Variants in BOC observed in about 807,000 individuals in gnomAD.
BOC encodes BOC cell adhesion associated, oncogene regulated.
BOC carries 76 observed loss-of-function variants against 112.0 expected under a neutral mutation model. That is an observed-to-expected ratio of 0.68 (90% CI 0.56 to 0.82). The LOEUF is 0.82. Ranked by LOEUF, BOC falls within the 40% of genes least tolerant of loss-of-function variation. The pLI is 0.00. For missense variants in BOC, 1,309 were observed against 1,511.7 expected, an observed-to-expected ratio of 0.87 and a Z score of 2.22; for synonymous variants, 580 against 599.8, an observed-to-expected ratio of 0.97 and a Z score of 0.48.
At chr3:113,258,457 TA>T (rs1946465469) in intron 4 of BOC, among the ~76,000 whole-genome samples, 1 of 152,210 alleles carries the variant, frequency 6.6e-6, no homozygotes, top group East Asian at 1.9e-4. Flanking sequence ...GAAAGAAACT[TA>T]GAGTGTTTTT....
intron 9 of BOC, among the ~76,000 whole-genome samples, chr3:113,275,312 T>G (rs1399974299): frequency 6.6e-6 from 1 of 152,156 alleles, no homozygotes; most frequent in Non-Finnish European, 1.5e-5. Flanking sequence ...GGTGAATGCT[T>G]CAGGAGCTGT....
rs768531684 is a variant in BOC at position 113,249,758 on chromosome 3, C to T, written c.-45C>T. On this transcript the variant is annotated 5_prime_UTR_variant, in exon 3 of 20. Transcript: ENST00000682979. Reference sequence around the variant, plus strand: ...GGACGGCAGTATCTCTTTGTGTGACCCTGGCGGCTTATGGGACGTTGGCTT... The same window carrying T: ...GGACGGCAGTATCTCTTTGTGTGACTCTGGCGGCTTATGGGACGTTGGCTT... 3.9e-6 allele frequency: 6 copies of T among 1,530,092 alleles called. No individual in the cohort carries two copies. The highest frequency in any genetic ancestry group is 5.4e-6 in the Non-Finnish European group (6 of 1,118,152). The allele number at this position is 1,530,092 out of a possible 1,614,324, so 94.8% of individuals were successfully genotyped here.
chr3:113,250,479 G>A, intron 3 of BOC, 76 bp from the exon 4 acceptor site: 3 of 1,515,520 alleles, frequency 2.0e-6, no homozygotes, highest in South Asian at 2.6e-5. Context: ...GACTTCCTGG[G>A]TGCAGTGCTT....
chr3:113,216,261 C>G lies in BOC; in HGVS notation c.-95C>G, dbSNP rs1162823775. ...TTTATACCGTCTGAGGGTAGCAGCT[C>G]GAAAGTAGAAGAAGTGGGTGAGGTT... is the stretch of plus-strand genomic sequence containing the variant. On this transcript the variant is annotated 5_prime_UTR_variant, in exon 2 of 20. Coordinates refer to ENST00000682979, the MANE Select transcript of BOC (RefSeq NM_001378074.1). 2.2e-6 allele frequency: 1 copy of G among 456,150 alleles called. No individual in the cohort carries two copies. The highest frequency in any genetic ancestry group is 2.4e-5 in the Admixed American group (1 of 42,454). The allele number at this position is 456,150 out of a possible 1,614,324, so 28.3% of individuals were successfully genotyped here. A position where few individuals can be genotyped will look rare whatever the true frequency, so the allele number is the denominator to read the frequency against.
chr3:113,283,337 A>T lies in BOC; in HGVS notation c.2435-74A>T, dbSNP rs1279926591. 15 of 1,396,954 alleles carry T rather than the reference A, an allele frequency of 1.1e-5. No individual in the cohort carries two copies. In the East Asian group the frequency reaches 3.5e-4, roughly 33 times the overall value. 86.5% of individuals were successfully genotyped at this position (1,396,954 alleles called of 1,614,324 possible). On this transcript the variant is annotated intron_variant, in intron 15 of 19. Coordinates refer to ENST00000682979, the MANE Select transcript of BOC (RefSeq NM_001378074.1). ...TTTCCCAAACCCATGGAATGGGGGT[A>T]TTTTTTTTTCTATTTGTTGTGAAGG...
At position 113,278,893 on chromosome 3, in the gene BOC, A is replaced by G. The variant is rs1948921765; in HGVS notation, c.1816+110A>G. ...CTTCTGTAGGTCCAGGGTTTTTATG[A>G]CATCTCCCAGTTAACCACAATGAGG... On this transcript the variant is annotated intron_variant, in intron 11 of 19. Transcript: ENST00000682979. This position sits in a 1 kb window ranked among gnomAD's most constrained non-coding sequence, Gnocchi z 4.2. 1.1e-5 allele frequency: 10 copies of G among 893,928 alleles called. No homozygotes were observed. Among genetic ancestry groups the G allele is most frequent in the Non-Finnish European group, 1.7e-5 (10 of 581,312 alleles). 55.4% of individuals were successfully genotyped at this position (893,928 alleles called of 1,614,324 possible).
intron 5 of BOC, chr3:113,269,491 T>G (rs1947871703): frequency 6.6e-6 from 1 of 151,826 alleles, no homozygotes; most frequent in African/African-American, 2.4e-5. Flanking sequence ...ATCATGCCAC[T>G]GCACTCTAGC....
At position 113,278,704 on chromosome 3, in the gene BOC, C is replaced by A. The variant is rs1451841920; in HGVS notation, c.1737C>A (p.Ser579Arg). 6.4e-7 allele frequency: 1 copy of A among 1,571,524 alleles called. No individual in the cohort carries two copies. The highest frequency in any genetic ancestry group is 1.2e-5 in the South Asian group (1 of 85,452). ...GRRPKPEIMASKEQQIQRDDP... is the reference protein window; with the variant it reads ...GRRPKPEIMARKEQQIQRDDP... ...GGCCCAAACCCGAGATCATGGCCAG[C>A]AAAGAGCAGCAGATCCAGAGAGACG... is the stretch of plus-strand genomic sequence containing the variant. The change falls in exon 11 of 20, where the codon AGC becomes AGA. Residue 579 changes from serine (S) to arginine (R), a missense_variant. Physicochemically the swap from Ser to Arg is moderately radical, Grantham distance 110. Coordinates refer to ENST00000682979, the MANE Select transcript of BOC (RefSeq NM_001378074.1). The surrounding 1 kb of genome is among the most constrained non-coding windows in gnomAD (Gnocchi z 4.2).
At position 113,285,433 on chromosome 3, in the gene BOC, C is replaced by A. The variant is rs543969242; in HGVS notation, c.3028C>A (p.His1010Asn). The A allele has an allele frequency of 6.8e-6, 11 of 1,613,898 alleles. No individual in the cohort carries two copies. In the South Asian group the frequency reaches 1.2e-4, roughly 18 times the overall value. The change falls in exon 19 of 20, where the codon CAC becomes AAC. Residue 1010 changes from histidine (H) to asparagine (N), a missense_variant. Physicochemically the swap from His to Asn is moderately conservative, Grantham distance 68. Transcript: ENST00000682979. Reference protein sequence around the residue: ...FLYTLPDDSTHQLLQPHHDCC... With the variant: ...FLYTLPDDSTNQLLQPHHDCC... ...ATACACACTGCCCGACGACTCCACT[C>A]ACCAGCTGCTGCAGCCCCATCACGA...
chr3:113,274,606 A>G lies in BOC; in HGVS notation c.1466A>G (p.Tyr489Cys), dbSNP rs1438479828. 1.2e-6 allele frequency: 2 copies of G among 1,613,394 alleles called. No individual in the cohort carries two copies. The highest frequency in any genetic ancestry group is 1.7e-6 in the Non-Finnish European group (2 of 1,179,878). Residue 489 changes from tyrosine (Y) to cysteine (C), a missense_variant, in exon 9 of 20, where the codon TAT (tyrosine) becomes TGT (cysteine). Tyr to Cys is a radical substitution (Grantham distance 194). Coordinates refer to ENST00000682979, the MANE Select transcript of BOC (RefSeq NM_001378074.1). The surrounding 1 kb of genome is among the most constrained non-coding windows in gnomAD (Gnocchi z 4.8). ...SSPRTSKTDS[Y>C]ELVWRPRHEG... The stretch of plus-strand genomic sequence containing the variant: ...CCCCGCACCTCCAAGACAGACTCAT[A>G]TGAACTGGTGTGGCGGCCTCGGCAT...
chr3:113,237,534 G>A (rs1943729444), intron 2 of BOC, among the ~76,000 whole-genome samples: 1 of 152,120 alleles, frequency 6.6e-6, no homozygotes, highest in South Asian at 2.1e-4. Flanking sequence ...AAGCTTAGTT[G>A]GGTGTTCATT....
chr3:113,272,914 G>T (rs1389194917), intron 7 of BOC, among the ~76,000 whole-genome samples, 155 bp from the exon 8 acceptor site: 3 of 151,934 alleles, frequency 2.0e-5, no homozygotes, highest in Admixed American at 2.0e-4. Context: ...TCTGATGGTG[G>T]AGACATCAGA....
rs1386310358 is a variant in BOC, at chr3:113,278,582, G to C, written c.1706-91G>C. On this transcript the variant is annotated intron_variant, in intron 10 of 19. Coordinates refer to ENST00000682979, the MANE Select transcript of BOC (RefSeq NM_001378074.1). This position sits in a 1 kb window ranked among gnomAD's most constrained non-coding sequence, Gnocchi z 4.2. ...CTTATTTGCATCACTTTGTCATGCCGCTTAGCAGAGTCTCAGGCAAAAAGG... is the reference window on the plus strand; with the variant it reads ...CTTATTTGCATCACTTTGTCATGCCCCTTAGCAGAGTCTCAGGCAAAAAGG... 2.6e-6 allele frequency: 3 copies of C among 1,153,160 alleles called. No homozygotes were observed. The highest frequency in any genetic ancestry group is 2.5e-6 in the Non-Finnish European group (2 of 793,260). 71.4% of individuals were successfully genotyped at this position (1,153,160 alleles called of 1,614,324 possible). A position where few individuals can be genotyped will look rare whatever the true frequency, so the allele number is the denominator to read the frequency against.
chr3:113,224,019 C>T (rs1355795839), intron 2 of BOC, among the ~76,000 whole-genome samples: 2 of 152,236 alleles, frequency 1.3e-5, no homozygotes, highest in African/African-American at 4.8e-5. Flanking sequence ...CTTCCCATCC[C>T]GTCCCTAAAC....
intron 2 of BOC, among the ~76,000 whole-genome samples, chr3:113,241,960 T>C (rs559213925): frequency 4.1e-5 from 6 of 147,476 alleles, no homozygotes; most frequent in Admixed American, 4.0e-4. Context: ...GAGAGGGAGG[T>C]TGAGGGAGGA....
intron 2 of BOC, among the ~76,000 whole-genome samples, chr3:113,233,974 C>T (rs1943079823): frequency 6.6e-6 from 1 of 152,168 alleles, no homozygotes; most frequent in South Asian, 2.1e-4. Flanking sequence ...CAGCCGGAGT[C>T]CCACCTGGGA....
chr3:113,283,914 C>T (rs137981863), intron 16 of BOC, among the ~76,000 whole-genome samples: 3 of 152,144 alleles, frequency 2.0e-5, no homozygotes, highest in East Asian at 3.9e-4. Flanking sequence ...CCTCTGACCT[C>T]ACATTCCTAC....
At chr3:113,276,278 G>A (rs1054636483) in intron 9 of BOC, among the ~76,000 whole-genome samples, 3 of 152,226 alleles carry the variant, frequency 2.0e-5, no homozygotes, top group South Asian at 2.1e-4. Flanking sequence ...GTGGTGATCC[G>A]GAAATGCCAG....
intron 14 of BOC, among the ~76,000 whole-genome samples, 154 bp from the exon 15 acceptor site, chr3:113,280,877 G>C (rs960553044): frequency 2.6e-5 from 4 of 152,132 alleles, no homozygotes; most frequent in Non-Finnish European, 5.9e-5. Context: ...TGGACACCTA[G>C]AACATTTCCT....
Sources: allele counts gnomAD v4.1 joint callset (sites outside exome capture counted in the v4.1 genomes callset), GRCh38; gene constraint gnomAD v4.1.1; non-coding constraint Gnocchi (gnomAD v3.1); transcripts MANE v1.5; gene names NCBI Gene and HGNC (gene_info 2026-07-23, HGNC 2026-07-21).